The following RADIL variants were observed in gnomAD, a reference collection of about 807,000 sequenced individuals.
RADIL encodes Rap associating with DIL domain.
In RADIL, 99 loss-of-function variants were observed where a neutral mutation model predicts 97.6. The ratio of observed to expected loss-of-function variants is 1.01; its 90% CI spans 0.86 to 1.20. RADIL has a LOEUF of 1.20. RADIL is among the 50% of genes most tolerant of loss of function. The pLI is 0.00. For missense variants in RADIL, 1,765 were observed against 1,498.9 expected (o/e 1.18, Z -2.93); for synonymous variants, 803 against 691.8 (o/e 1.16, Z -2.52).
chr7:4,860,342 C>A (rs1175791472), intron 2 of RADIL: 1 of 1,613,872 alleles, frequency 6.2e-7, no homozygotes, highest in African/African-American at 1.3e-5. Context: ...TTCCTTTCTT[C>A]TTAAATGCAT....
In RADIL at chr7:4,824,016, A is replaced by G. The variant is rs1782906515; in HGVS notation, c.1455-1462T>C. On this transcript the variant is annotated intron_variant, in intron 5 of 14. Coordinates refer to ENST00000399583, the MANE Select transcript of RADIL (RefSeq NM_018059.5). This position sits in a 1 kb window ranked among gnomAD's most constrained non-coding sequence, Gnocchi z 6.7. ...TCCATAATCGCACCTGGCGGACACA[A>G]ATAGCCGTGTGCCCCTGAGCAGTGA... 6.6e-6 allele frequency among the ~76,000 whole-genome samples: 1 copy of G among 152,256 alleles called. No homozygotes were observed. The highest frequency in any genetic ancestry group is 2.4e-5 in the African/African-American group (1 of 41,474).
At chr7:4,829,896 T>A (rs1293945097) in intron 5 of RADIL, among the ~76,000 whole-genome samples, 1 of 152,194 alleles carries the variant, frequency 6.6e-6, no homozygotes, top group Non-Finnish European at 1.5e-5. Context: ...CAGTCTCGGA[T>A]ATGTCTTTAT....
chr7:4,873,956 T>C lies in RADIL; in HGVS notation c.535+3649A>G, dbSNP rs1460538105. 6.6e-6 allele frequency among the ~76,000 whole-genome samples: 1 copy of C among 152,224 alleles called. No individual in the cohort carries two copies. The highest frequency in any genetic ancestry group is 1.5e-5 in the Non-Finnish European group (1 of 68,034). On this transcript the variant is annotated intron_variant, in intron 2 of 14. Transcript: ENST00000399583. This position sits in a 1 kb window ranked among gnomAD's most constrained non-coding sequence, Gnocchi z 4.3. The stretch of plus-strand genomic sequence containing the variant: ...CGGCTTCCCACCTCCTCCCCTTCTC[T>C]GGCTCTCAGTCGTTCCCCTTGGAGG...
In RADIL at chr7:4,802,738, G is replaced by C. The variant is rs1342369586; in HGVS notation, c.2500-743C>G. Among the ~76,000 whole-genome samples the C allele has an allele frequency of 8.2e-5, 9 of 109,586 alleles. 1 individual carries two copies. The highest frequency in any genetic ancestry group is 7.6e-4 in the Admixed American group (9 of 11,788). 71.9% of individuals were successfully genotyped at this position (109,586 alleles called of 152,430 possible). On this transcript the variant is annotated intron_variant, in intron 11 of 14. Transcript: ENST00000399583. ...CCAGGCACCTCGGGGCACGCTGGCT[G>C]GGCCCCCTCCCCGGGCACCTCGGGG... is the stretch of plus-strand genomic sequence containing the variant.
chr7:4,847,173 T>G (rs924021642), intron 2 of RADIL, among the ~76,000 whole-genome samples: 4 of 151,828 alleles, frequency 2.6e-5, no homozygotes, highest in African/African-American at 9.7e-5. Flanking sequence ...ATACAAAAAT[T>G]CCCTGGGTGT....
intron 2 of RADIL, among the ~76,000 whole-genome samples, chr7:4,844,020 A>AAT (rs1783509522): frequency 6.6e-6 from 1 of 152,002 alleles, no homozygotes; most frequent in African/African-American, 2.4e-5. Context: ...TTCTAGGGAG[A>AAT]ATATATACGT....
chr7:4,860,338 T>C (rs1215232084), intron 2 of RADIL: 2 of 1,614,036 alleles, frequency 1.2e-6, no homozygotes, highest in South Asian at 2.2e-5. Context: ...GAAGTTCCTT[T>C]CTTCTTAAAT....
chr7:4,862,914 T>G lies in RADIL; in HGVS notation c.535+14691A>C, dbSNP rs564483695. Among the ~76,000 whole-genome samples the G allele has an allele frequency of 9.0e-5, 12 of 132,634 alleles. No individual in the cohort carries two copies. The South Asian group carries it at 3.1e-3, about 34-fold the overall frequency. 87.0% of individuals were successfully genotyped at this position (132,634 alleles called of 152,430 possible). On this transcript the variant is annotated intron_variant, in intron 2 of 14. Coordinates refer to ENST00000399583, the MANE Select transcript of RADIL (RefSeq NM_018059.5). The stretch of plus-strand genomic sequence containing the variant: ...CTCTGTCTCAAAAAAAAAAATAAAA[T>G]TAAAAATAAAAATAAAAAATAAAAA...
Position 4,816,168 on chromosome 7 carries a change from G to A in RADIL, c.1966+60C>T. 2.7e-6 allele frequency: 4 copies of A among 1,499,980 alleles called. No homozygotes were observed. In the East Asian group the frequency reaches 9.1e-5, roughly 34 times the overall value. The allele number at this position is 1,499,980 out of a possible 1,614,324, so 92.9% of individuals were successfully genotyped here. On this transcript the variant is annotated intron_variant, in intron 8 of 14. Transcript: ENST00000399583. Reference sequence around the variant, plus strand: ...CCAGGAGCTGGCGAGGGAGGCGCCAGCAGCCGTCATGTCCAGGAATGTGAG... The same window carrying A: ...CCAGGAGCTGGCGAGGGAGGCGCCAACAGCCGTCATGTCCAGGAATGTGAG...
rs1198783300 is a variant in RADIL at position 4,819,071 on chromosome 7, TC to T, written c.1616-1721del. ...GACTCCATTTCTCTCTCTCTCTCTCTCTTTTTTTTTTTTTTTTAAAGACAGA... is the reference window on the plus strand; with the variant it reads ...GACTCCATTTCTCTCTCTCTCTCTCTTTTTTTTTTTTTTTTTAAAGACAGA... On this transcript the variant is annotated intron_variant, in intron 6 of 14. Coordinates refer to ENST00000399583, the MANE Select transcript of RADIL (RefSeq NM_018059.5). The surrounding 1 kb of genome is among the most constrained non-coding windows in gnomAD (Gnocchi z 5.8). Among the ~76,000 whole-genome samples, 6 of 124,682 alleles carry T rather than the reference TC, an allele frequency of 4.8e-5. No individual in the cohort carries two copies. Among genetic ancestry groups the T allele is most frequent in the Non-Finnish European group, 8.4e-5 (5 of 59,582 alleles). The allele number at this position is 124,682 out of a possible 152,430, so 81.8% of individuals were successfully genotyped here.
intron 11 of RADIL, among the ~76,000 whole-genome samples, 170 bp downstream of exon 11, chr7:4,803,376 G>T (rs1235070859): frequency 8.7e-6 from 1 of 115,080 alleles, no homozygotes. Context: ...CGCTGGCTGG[G>T]TGGCCCCCTC....
chr7:4,828,651 A>G (rs935770490), intron 5 of RADIL, among the ~76,000 whole-genome samples: 12 of 152,270 alleles, frequency 7.9e-5, no homozygotes, highest in African/African-American at 2.7e-4. Flanking sequence ...CATCATCATC[A>G]TAACATCAGT....
intron 2 of RADIL, among the ~76,000 whole-genome samples, chr7:4,874,606 C>T (rs1784327147): frequency 6.6e-6 from 1 of 152,240 alleles, no homozygotes; most frequent in Admixed American, 6.5e-5. Context: ...GGGTAGGTAA[C>T]ACAACCTGCT....
rs555912389 is a variant in RADIL, at chr7:4,877,849, C to T, written c.291G>A (p.Leu97=). 3.1e-6 allele frequency: 5 copies of T among 1,606,534 alleles called. No individual in the cohort carries two copies. The highest frequency in any genetic ancestry group is 2.2e-5 in the East Asian group (1 of 44,886). ...SSARELVKEA[L]ERYALDPRQA... ...GCCTGGGGTCCAGGGCGTACCGCTC[C>T]AGCGCCTCCTTCACCAGCTCACGGG... Residue 97 remains leucine, a synonymous_variant, in exon 2 of 15, where the codon CTG becomes CTA. Transcript: ENST00000399583.
intron 2 of RADIL, among the ~76,000 whole-genome samples, chr7:4,843,003 A>ATTTTTT (rs376252570): frequency 7.9e-6 from 1 of 127,342 alleles, no homozygotes; most frequent in East Asian, 2.4e-4. Context: ...GCAAGAGACA[A>ATTTTTT]TTTTTTTTTT....
rs1783463201 is a variant in RADIL at position 4,842,443 on chromosome 7, G to A, written c.536-5838C>T. ...AGCCACAGCCACACGGCTTTGTCTA[G>A]GCCACCCCCCTCCCCTCCTCGAGAA... On this transcript the variant is annotated intron_variant, in intron 2 of 14. Coordinates refer to ENST00000399583, the MANE Select transcript of RADIL (RefSeq NM_018059.5). The surrounding 1 kb of genome is among the most constrained non-coding windows in gnomAD (Gnocchi z 4.5). Among the ~76,000 whole-genome samples, 1 of 152,122 alleles carries A rather than the reference G, an allele frequency of 6.6e-6. No individual in the cohort carries two copies. Among genetic ancestry groups the A allele is most frequent in the African/African-American group, 2.4e-5 (1 of 41,434 alleles).
At chr7:4,876,772 G>A (rs527828050) in intron 2 of RADIL, among the ~76,000 whole-genome samples, 43 of 152,284 alleles carry the variant, frequency 2.8e-4, no homozygotes, top group African/African-American at 7.7e-4. Flanking sequence ...TCGGCTGCCC[G>A]TGGCCAGGCC....
chr7:4,847,987 G>T (rs1460393105), intron 2 of RADIL, among the ~76,000 whole-genome samples: 2 of 152,110 alleles, frequency 1.3e-5, no homozygotes, highest in Non-Finnish European at 2.9e-5. Flanking sequence ...CTTGAGCTCA[G>T]GAGTTCGAGA....
At chr7:4,838,407 G>A (rs375675658) in intron 2 of RADIL, among the ~76,000 whole-genome samples, 3 of 152,204 alleles carry the variant, frequency 2.0e-5, no homozygotes, top group Admixed American at 2.0e-4. Context: ...CAGGGCCATG[G>A]GGCAGGAAGG....
Sources: gnomAD v4.1 joint callset for allele counts (sites outside exome capture counted in the v4.1 genomes callset) on GRCh38, gnomAD v4.1.1 for gene constraint, Gnocchi (gnomAD v3.1) non-coding constraint, MANE v1.5 for transcripts, NCBI Gene and HGNC (gene_info 2026-07-23, HGNC 2026-07-21) for gene names.